The following ZNF185 variants were observed in gnomAD, a reference collection of about 807,000 sequenced individuals.
The protein encoded by ZNF185 is zinc finger protein 185.
ZNF185 carries 56 observed loss-of-function variants against 58.6 expected under a neutral mutation model. That is an observed-to-expected ratio of 0.95 (90% CI 0.77 to 1.19). The LOEUF (loss-of-function observed/expected upper bound fraction) is 1.19. ZNF185 is among the 50% of genes most tolerant of loss of function. The pLI, the probability that ZNF185 is intolerant of heterozygous loss-of-function variation, is 0.00. For synonymous variants in ZNF185, 230 were observed against 215.9 expected (o/e 1.07, Z -0.57); for missense variants, 627 against 573.5 (o/e 1.09, Z -0.95).
chrX:152,927,049 A>G (rs2125423600), intron 11 of ZNF185, among the ~76,000 whole-genome samples: 1 of 112,119 alleles, frequency 8.9e-6, no homozygotes, highest in East Asian at 2.8e-4. Flanking sequence ...CAGTCACTGG[A>G]GCAGGCTGGG....
chrX:152,941,517 C>G (rs781922155), intron 15 of ZNF185, among the ~76,000 whole-genome samples: 2 of 113,191 alleles, frequency 1.8e-5, no homozygotes, highest in Middle Eastern at 4.6e-3. Flanking sequence ...TCCCCGAAAT[C>G]TGGGTAGCGG....
intron 16 of ZNF185, among the ~76,000 whole-genome samples, chrX:152,954,689 A>G (rs1225817357): frequency 8.9e-6 from 1 of 112,358 alleles, no homozygotes; most frequent in Non-Finnish European, 1.9e-5. Context: ...TGTTCATCTC[A>G]AAAAACTGTT....
chrX:152,967,211 C>T (rs1455407699), exon 20 of ZNF185: 1 of 1,209,829 alleles, frequency 8.3e-7, no homozygotes, highest in African/African-American at 1.7e-5. Flanking sequence ...AAGAAGCCTC[C>T]ATGTGGCAGC....
the ZNF185 span, among the ~76,000 whole-genome samples, chrX:152,898,079 C>G: frequency 2.4e-4 from 26 of 110,261 alleles, no homozygotes; most frequent in Non-Finnish European, 4.4e-4. Context: ...TCCGCGCCTC[C>G]TCGCCTCCCT....
Position 152,941,497 on chromosome X carries a change from C to T in ZNF185, c.1211+3334C>T, listed in dbSNP as rs762728. ...GAAAAAGGGATGGCACAGAACCACA[C>T]CCCTCACCTTCCCCGAAATCTGGGT... On this transcript the variant is annotated intron_variant, in intron 15 of 22. Coordinates refer to ENST00000449285, the Ensembl canonical transcript of ZNF185. 2.0e-4 allele frequency among the ~76,000 whole-genome samples: 22 copies of T among 112,227 alleles called. No individual in the cohort carries two copies. The South Asian group carries it at 8.1e-3, about 41-fold the overall frequency.
chrX:152,917,311 G>A (rs1556866550), exon 5 of ZNF185: 3 of 1,211,699 alleles, frequency 2.5e-6, no homozygotes, highest in Non-Finnish European at 3.4e-6. Context: ...CCCATAGACA[G>A]CTCTTCCCAG....
At chrX:152,939,509 A>C (rs2046899349) in intron 15 of ZNF185, among the ~76,000 whole-genome samples, 1 of 112,219 alleles carries the variant, frequency 8.9e-6, no homozygotes, top group Admixed American at 9.4e-5. Flanking sequence ...TAGTTTATGA[A>C]ATCTTGTCTT....
chrX:152,917,031 C>G, intron 3 of ZNF185, 100 bp from the exon 5 acceptor site: 1 of 1,121,395 alleles, frequency 8.9e-7, no homozygotes, highest in East Asian at 3.0e-5. Flanking sequence ...GAGCACTTGC[C>G]AGCCAATCTT....
At chrX:152,936,898 A>T (rs2046356872) in intron 14 of ZNF185, among the ~76,000 whole-genome samples, 2 of 110,634 alleles carry the variant, frequency 1.8e-5, no homozygotes, top group Non-Finnish European at 3.8e-5. Context: ...AGGGGCAGCC[A>T]GCATTAGAGG....
At chrX:152,920,544 T>G (rs1453173862) in intron 8 of ZNF185, 133 bp downstream of exon 9, 7 of 936,334 alleles carry the variant, frequency 7.5e-6, no homozygotes, top group Non-Finnish European at 1.0e-5. Context: ...CTTCTCAGAT[T>G]CTCAGATGTA....
intron 16 of ZNF185, among the ~76,000 whole-genome samples, chrX:152,945,669 G>A (rs2047715897): frequency 9.0e-6 from 1 of 111,648 alleles, no homozygotes; most frequent in South Asian, 3.7e-4. Flanking sequence ...GAGCTGGGAG[G>A]GGACTGTGAT....
intron 14 of ZNF185, among the ~76,000 whole-genome samples, chrX:152,936,929 GGACCGGTGGCT>G (rs2046363880): frequency 2.7e-5 from 3 of 110,402 alleles, no homozygotes; most frequent in Non-Finnish European, 5.7e-5. Flanking sequence ...CAGGAGCACA[GGACCGGTGGCT>G]GGGATGGGCA....
intron 12 of ZNF185, among the ~76,000 whole-genome samples, chrX:152,928,967 G>T (rs1941413045): frequency 8.9e-6 from 1 of 112,720 alleles, no homozygotes; most frequent in African/African-American, 3.2e-5. Context: ...ACATGAGCAT[G>T]AATGAGGTCA....
At chrX:152,968,924 AG>A (rs2050396811) in intron 20 of ZNF185, among the ~76,000 whole-genome samples, 1 of 111,751 alleles carries the variant, frequency 8.9e-6, no homozygotes, top group South Asian at 3.8e-4. Flanking sequence ...GGGTGGGTCC[AG>A]GAGTATAGGC....
chrX:152,922,823 G>A lies in ZNF185; in HGVS notation c.830+14G>A. The A allele has an allele frequency of 8.5e-7, 1 of 1,173,312 alleles. No individual in the cohort carries two copies. The highest frequency in any genetic ancestry group is 1.1e-6 in the Non-Finnish European group (1 of 873,096). The stretch of plus-strand genomic sequence containing the variant: ...CCAGGAGCTCAGGTGGGTGCCGAGA[G>A]CTGACTCTGGCTTGTGAGTGGGTGT... On this transcript the variant is annotated intron_variant, in intron 11 of 22. Transcript: ENST00000449285.
intron 16 of ZNF185, among the ~76,000 whole-genome samples, chrX:152,959,327 G>A (rs997784411): frequency 4.4e-5 from 5 of 112,531 alleles, no homozygotes; most frequent in Non-Finnish European, 7.5e-5. Context: ...GGTCAGGGAA[G>A]AAGGCTGAAT....
At chrX:152,902,490 GAAATAA>G in the ZNF185 span, among the ~76,000 whole-genome samples, 53 of 112,834 alleles carry the variant, frequency 4.7e-4, no homozygotes, top group African/African-American at 1.6e-3. Flanking sequence ...GCTTTAAACT[GAAATAA>G]AAATAAAAAT....
At chrX:152,949,554 T>C (rs1306367529) in intron 16 of ZNF185, among the ~76,000 whole-genome samples, 2 of 111,870 alleles carry the variant, frequency 1.8e-5, no homozygotes, top group Admixed American at 9.5e-5. Context: ...ATTTAGAGTC[T>C]GTGGGCCAGG....
chrX:152,939,917 G>C (rs782336417), intron 15 of ZNF185, among the ~76,000 whole-genome samples: 49 of 109,190 alleles, frequency 4.5e-4, no homozygotes, highest in Middle Eastern at 4.8e-3. Flanking sequence ...TAAGTAGCTG[G>C]GATTACAGGC....
Sources: gnomAD v4.1 joint callset for allele counts (sites outside exome capture counted in the v4.1 genomes callset) on GRCh38, gnomAD v4.1.1 for gene constraint, MANE v1.5 for transcripts, NCBI Gene and HGNC (gene_info 2026-07-23, HGNC 2026-07-21) for gene names.